ARFGEF3: variants seen among roughly 807,000 people sequenced by gnomAD.
ARFGEF3 encodes ARFGEF family member 3, also known as brefeldin A-inhibited guanine nucleotide-exchange protein 3.
ARFGEF3 carries 96 observed loss-of-function variants against 221.7 expected under a neutral mutation model. The observed-to-expected ratio is 0.43, with a 90% CI of 0.37 to 0.51. The LOEUF (loss-of-function observed/expected upper bound fraction) is 0.51. Ranked by LOEUF, ARFGEF3 falls within the 20% of genes least tolerant of loss-of-function variation. The pLI, the probability that ARFGEF3 is intolerant of heterozygous loss-of-function variation, is 0.00. For missense variants in ARFGEF3, 2,410 were observed against 2,789.9 expected (o/e 0.86, Z 3.07); for synonymous variants, 1,145 against 1,126.8 (o/e 1.02, Z -0.32).
intron 5 of ARFGEF3, among the ~76,000 whole-genome samples, chr6:138,233,936 A>C (rs921945999): frequency 5.9e-5 from 9 of 152,134 alleles, no homozygotes; most frequent in Admixed American, 4.6e-4. Flanking sequence ...AGAGTGAGGA[A>C]ATTGCAGTTC....
chr6:138,255,814 G>A (rs1284486678), intron 10 of ARFGEF3, 45 bp downstream of exon 10: 1 of 1,430,462 alleles, frequency 7.0e-7, no homozygotes, highest in Non-Finnish European at 9.3e-7. Flanking sequence ...AAGGGGGCCT[G>A]ACCAGCGTTT....
At chr6:138,281,022 TG>T (rs1168562611) in intron 14 of ARFGEF3, among the ~76,000 whole-genome samples, 1 of 151,860 alleles carries the variant, frequency 6.6e-6, no homozygotes, top group Admixed American at 6.6e-5. Flanking sequence ...GACATTGCAA[TG>T]GGAATATGCC....
chr6:138,224,113 A>AT (rs1256408455), intron 4 of ARFGEF3, among the ~76,000 whole-genome samples: 2 of 152,176 alleles, frequency 1.3e-5, no homozygotes, highest in Non-Finnish European at 2.9e-5. Flanking sequence ...TTACTCCTGA[A>AT]TCCCCTGGAA....
At chr6:138,230,134 C>T (rs564361822) in intron 5 of ARFGEF3, among the ~76,000 whole-genome samples, 1 of 152,280 alleles carries the variant, frequency 6.6e-6, no homozygotes, top group East Asian at 1.9e-4. Flanking sequence ...CTGCTCCACC[C>T]AGGCGTATTG....
At chr6:138,221,418 T>C (rs1358009755) in intron 4 of ARFGEF3, among the ~76,000 whole-genome samples, 2 of 152,214 alleles carry the variant, frequency 1.3e-5, no homozygotes, top group Non-Finnish European at 2.9e-5. Context: ...TGATGTGATT[T>C]TCATGGAATT....
In ARFGEF3 at chr6:138,186,868, A is replaced by G. The variant is rs979263007; in HGVS notation, c.137+16155A>G. Among the ~76,000 whole-genome samples the G allele has an allele frequency of 3.0e-5, 4 of 132,462 alleles. No individual in the cohort carries two copies. In the East Asian group the frequency reaches 8.6e-4, roughly 29 times the overall value. 86.9% of individuals were successfully genotyped at this position (132,462 alleles called of 152,430 possible). A position where few individuals can be genotyped will look rare whatever the true frequency, so the allele number is the denominator to read the frequency against. The stretch of plus-strand genomic sequence containing the variant: ...ACTGTCCCTTTCAAAGCTTTTACAT[A>G]TCTCCTCCACGAGTTATTCCTCTCA... On this transcript the variant is annotated intron_variant, in intron 2 of 33. Coordinates refer to ENST00000251691, the MANE Select transcript of ARFGEF3 (RefSeq NM_020340.5).
intron 14 of ARFGEF3, among the ~76,000 whole-genome samples, chr6:138,283,805 C>A (rs866404940): frequency 6.6e-6 from 1 of 152,200 alleles, no homozygotes; most frequent in Non-Finnish European, 1.5e-5. Flanking sequence ...TATCATTAGG[C>A]CATTTGACCA....
chr6:138,202,541 C>G (rs1777556067), intron 2 of ARFGEF3, among the ~76,000 whole-genome samples: 1 of 151,994 alleles, frequency 6.6e-6, no homozygotes, highest in South Asian at 2.1e-4. Context: ...GGATGAGAGG[C>G]CTTGGATACA....
Position 138,298,772 on chromosome 6 carries a change from A to G in ARFGEF3, c.3815A>G (p.Asp1272Gly). Residue 1272 changes from aspartate (D) to glycine (G), a missense_variant, in exon 22 of 34, where the codon GAC (aspartate) becomes GGC (glycine). This residue lies in a region of ARFGEF3 where 723 missense variants were observed against 991.9 expected (regional missense o/e 0.73). Coordinates refer to ENST00000251691, the MANE Select transcript of ARFGEF3 (RefSeq NM_020340.5). ...RIMQLELCDE[D>G]VQDQVVTSIG... ...ATGCAGCTGGAATTGTGTGATGAGG[A>G]CGTCCAAGACCAGGTCAGTGTGACA... is the stretch of plus-strand genomic sequence containing the variant. 5.0e-6 allele frequency: 8 copies of G among 1,612,352 alleles called. No individual in the cohort carries two copies. The South Asian group carries it at 7.7e-5, about 16-fold the overall frequency.
chr6:138,327,691 T>G (rs1780150943), intron 31 of ARFGEF3, among the ~76,000 whole-genome samples: 2 of 152,094 alleles, frequency 1.3e-5, no homozygotes, highest in South Asian at 2.1e-4. Flanking sequence ...AGAGATAATC[T>G]TTTACAAAGC....
chr6:138,278,657 C>T (rs752263458), intron 13 of ARFGEF3, 40 bp downstream of exon 13: 1 of 1,603,274 alleles, frequency 6.2e-7, no homozygotes, highest in Non-Finnish European at 8.5e-7. Context: ...AGAGGGCAGG[C>T]TGTAACTTCC....
rs552559746 is a variant in ARFGEF3, at chr6:138,324,056, A to C, written c.4903A>C (p.Ser1635Arg). The C allele has an allele frequency of 6.2e-7, 1 of 1,613,814 alleles. No homozygotes were observed. The highest frequency in any genetic ancestry group is 1.1e-5 in the South Asian group (1 of 91,060). Residue 1635 changes from serine to arginine, a missense_variant, in exon 31 of 34, where the codon AGC becomes CGC. Physicochemically the swap from Ser to Arg is moderately radical, Grantham distance 110. This residue lies in a region of ARFGEF3 where 723 missense variants were observed against 991.9 expected (regional missense o/e 0.73). Transcript: ENST00000251691. ...GGGCTGCTTCCACAGCGGCACGGAG[A>C]GCTTCAGCGGGGAAGGCTGCCAGGT... is the stretch of plus-strand genomic sequence containing the variant. ...LLGCFHSGTE[S>R]FSGEGCQVRV...
chr6:138,211,362 T>C (rs780619675), intron 4 of ARFGEF3, among the ~76,000 whole-genome samples: 6 of 152,226 alleles, frequency 3.9e-5, no homozygotes, highest in Non-Finnish European at 5.9e-5. Flanking sequence ...CTTTAGGATC[T>C]CATTCATCTT....
intron 2 of ARFGEF3, among the ~76,000 whole-genome samples, chr6:138,187,064 C>T (rs531215489): frequency 1.3e-5 from 2 of 151,912 alleles, no homozygotes; most frequent in Admixed American, 6.5e-5. Context: ...TACAGGCATG[C>T]GCCACCACAC....
intron 31 of ARFGEF3, among the ~76,000 whole-genome samples, chr6:138,325,511 G>A (rs913452734): frequency 3.9e-5 from 6 of 152,236 alleles, no homozygotes; most frequent in Admixed American, 2.6e-4. Context: ...GTCTGAAGAA[G>A]TTGGGACAGA....
intron 12 of ARFGEF3, among the ~76,000 whole-genome samples, chr6:138,267,920 G>T (rs1430913902): frequency 3.9e-5 from 6 of 152,220 alleles, no homozygotes; most frequent in Admixed American, 3.9e-4. Context: ...CTGTAATTTA[G>T]TTGTAGGTCT....
Position 138,336,541 on chromosome 6 carries a change from CCAA to C in ARFGEF3, c.*56_*58del. 7.1e-7 allele frequency: 1 copy of C among 1,416,706 alleles called. No homozygotes were observed. The highest frequency in any genetic ancestry group is 9.6e-7 in the Non-Finnish European group (1 of 1,038,650). 87.8% of individuals were successfully genotyped at this position (1,416,706 alleles called of 1,614,324 possible). ...AACAGTAGTGAGGGTTAGAGTCCTGCCAATACAGCTGTTGCATTTTCCCCACCA... is the reference window on the plus strand; with the variant it reads ...AACAGTAGTGAGGGTTAGAGTCCTGCTACAGCTGTTGCATTTTCCCCACCA... On this transcript the variant is annotated 3_prime_UTR_variant, in exon 34 of 34. Coordinates refer to ENST00000251691, the MANE Select transcript of ARFGEF3 (RefSeq NM_020340.5).
At chr6:138,201,340 A>T (rs530594106) in intron 2 of ARFGEF3, among the ~76,000 whole-genome samples, 2 of 152,350 alleles carry the variant, frequency 1.3e-5, no homozygotes, top group South Asian at 4.1e-4. Flanking sequence ...GAGGAAAAGA[A>T]GTCATTATTC....
At chr6:138,203,605 G>A (rs1250004547) in intron 2 of ARFGEF3, among the ~76,000 whole-genome samples, 3 of 152,140 alleles carry the variant, frequency 2.0e-5, no homozygotes, top group Non-Finnish European at 1.5e-5. Flanking sequence ...TTAATATCCA[G>A]ATGAAATCTT....
Sources: allele counts gnomAD v4.1 joint callset (sites outside exome capture counted in the v4.1 genomes callset), GRCh38; gene constraint gnomAD v4.1.1; regional missense constraint gnomAD v4.1.1; transcripts MANE v1.5; gene names NCBI Gene and HGNC (gene_info 2026-07-23, HGNC 2026-07-21).